The following MAF variants were observed in gnomAD, a reference collection of about 807,000 sequenced individuals.
The protein encoded by MAF is MAF bZIP transcription factor.
In MAF, 10 loss-of-function variants were observed where a neutral mutation model predicts 22.0. The ratio of observed to expected loss-of-function variants is 0.45; its 90% CI spans 0.28 to 0.77. MAF has a LOEUF of 0.77. MAF is among the 30% of genes least tolerant of loss of function. The pLI, the probability that MAF is intolerant of heterozygous loss-of-function variation, is 0.12. For synonymous variants in MAF, 337 were observed against 255.8 expected (o/e 1.32, Z -3.03); for missense variants, 544 against 548.4 (o/e 0.99, Z 0.08).
chr16:79,212,517 A>T, the MAF span: 1 of 180,322 alleles, frequency 5.5e-6, no homozygotes, highest in Non-Finnish European at 1.2e-5. Flanking sequence ...ACTTAAGAAT[A>T]CACAGGATAT....
At chr16:79,212,117 T>A in the MAF span, 1 of 1,534,312 alleles carries the variant, frequency 6.5e-7, no homozygotes, top group Non-Finnish European at 8.7e-7. Context: ...TTTCTTTTAC[T>A]GTTATAGAAT....
the MAF span, among the ~76,000 whole-genome samples, chr16:79,210,205 C>G: frequency 2.1e-3 from 315 of 152,312 alleles, no homozygotes; most frequent in African/African-American, 7.4e-3. Context: ...TCCATTGTTA[C>G]TAGATATCCT....
At chr16:79,595,180 T>C in intron 1 of MAF, 2 of 1,039,092 alleles carry the variant, frequency 1.9e-6, no homozygotes, top group Non-Finnish European at 2.3e-6. Context: ...GACTTCAAGC[T>C]CATGAGGGGA....
the MAF span, among the ~76,000 whole-genome samples, chr16:79,332,463 G>A: frequency 1.3e-5 from 2 of 152,170 alleles, no homozygotes; most frequent in Non-Finnish European, 2.9e-5. Flanking sequence ...ACCATGCACA[G>A]CTAATTTTTG....
At chr16:79,401,863 T>C in the MAF span, among the ~76,000 whole-genome samples, 1 of 152,148 alleles carries the variant, frequency 6.6e-6, no homozygotes, top group Non-Finnish European at 1.5e-5. Context: ...GCTAGGGTCA[T>C]TGATGGTGGT....
the MAF span, among the ~76,000 whole-genome samples, chr16:79,209,110 C>G: frequency 5.3e-5 from 8 of 152,252 alleles, no homozygotes; most frequent in South Asian, 1.7e-3. Context: ...AGCCTAGTGG[C>G]AAAGGAATCA....
chr16:79,412,483 A>T, the MAF span, among the ~76,000 whole-genome samples: 1 of 152,146 alleles, frequency 6.6e-6, no homozygotes, highest in African/African-American at 2.4e-5. Flanking sequence ...CTAAATCAAA[A>T]TTTATCCACC....
At chr16:79,484,140 G>A in the MAF span, among the ~76,000 whole-genome samples, 4 of 152,178 alleles carry the variant, frequency 2.6e-5, no homozygotes, top group African/African-American at 9.6e-5. Context: ...CCACCTGGAA[G>A]ACAATAAGTC....
chr16:79,388,260 GCATGAGTTTTATAACCTTTGTAGAA>G, the MAF span, among the ~76,000 whole-genome samples: 1 of 37,050 alleles, frequency 2.7e-5, no homozygotes, highest in African/African-American at 1.4e-4. Context: ...CGGATAAATA[GCATGAGTTTTATAACCTTTGTAGAA>G]AGTTCATATT....
At chr16:79,372,538 G>C in the MAF span, among the ~76,000 whole-genome samples, 2 of 152,182 alleles carry the variant, frequency 1.3e-5, no homozygotes, top group African/African-American at 4.8e-5. Flanking sequence ...GATTACATCA[G>C]ACTGGAAAAA....
At chr16:79,561,408 T>G in the MAF span, among the ~76,000 whole-genome samples, 1 of 151,950 alleles carries the variant, frequency 6.6e-6, no homozygotes, top group Non-Finnish European at 1.5e-5. Context: ...GTTGGTGTGC[T>G]GCACCCATTA....
chr16:79,377,675 T>G, the MAF span, among the ~76,000 whole-genome samples: 1 of 152,240 alleles, frequency 6.6e-6, no homozygotes, highest in Admixed American at 6.5e-5. Flanking sequence ...AACATGTAAG[T>G]CTTTAATCCA....
chr16:79,554,777 T>C, the MAF span, among the ~76,000 whole-genome samples: 125 of 152,214 alleles, frequency 8.2e-4, no homozygotes, highest in African/African-American at 2.9e-3. Context: ...AGTTTGAAAA[T>C]TGTATGGGCA....
chr16:79,471,710 T>TA, the MAF span, among the ~76,000 whole-genome samples: 1 of 152,042 alleles, frequency 6.6e-6, no homozygotes, highest in East Asian at 1.9e-4. Context: ...CCCAAACAAG[T>TA]AAAAAAGCCC....
At chr16:79,239,220 C>G in the MAF span, among the ~76,000 whole-genome samples, 1 of 152,044 alleles carries the variant, frequency 6.6e-6, no homozygotes, top group Non-Finnish European at 1.5e-5. Flanking sequence ...TTCTGCCGAG[C>G]TGGAACATTT....
chr16:79,375,169 T>A, the MAF span, among the ~76,000 whole-genome samples: 1 of 152,228 alleles, frequency 6.6e-6, no homozygotes, highest in Non-Finnish European at 1.5e-5. Context: ...GGATGGCTAT[T>A]TTCAGAAGAA....
chr16:79,376,176 A>C, the MAF span, among the ~76,000 whole-genome samples: 1 of 151,950 alleles, frequency 6.6e-6, no homozygotes, highest in South Asian at 2.1e-4. Context: ...ATGTATTAAG[A>C]TTCTAATTTT....
the MAF span, chr16:79,212,096 C>T: frequency 2.0e-6 from 3 of 1,535,992 alleles, no homozygotes; most frequent in Non-Finnish European, 2.6e-6. Flanking sequence ...GGAGAAGCAC[C>T]AGCAATTCTC....
the MAF span, among the ~76,000 whole-genome samples, chr16:79,220,979 G>T: frequency 6.6e-6 from 1 of 152,306 alleles, no homozygotes; most frequent in East Asian, 1.9e-4. Context: ...GACAGAAGAG[G>T]ACAGGAGCAT....
Sources: allele counts gnomAD v4.1 joint callset (sites outside exome capture counted in the v4.1 genomes callset), GRCh38; gene constraint gnomAD v4.1.1; transcripts MANE v1.5; gene names NCBI Gene and HGNC (gene_info 2026-07-23, HGNC 2026-07-21).